CACNA1E: variants seen among roughly 807,000 people sequenced by gnomAD.
The protein encoded by CACNA1E is voltage-dependent R-type calcium channel subunit alpha-1E.
CACNA1E carries 40 observed loss-of-function variants against 259.2 expected under a neutral mutation model. That is an observed-to-expected ratio of 0.15 (90% CI 0.12 to 0.20). The LOEUF (loss-of-function observed/expected upper bound fraction) is 0.20, where lower values mean the gene tolerates loss of function less well. CACNA1E is among the 10% of genes least tolerant of loss of function. The probability of loss-of-function intolerance (pLI) is 1.00; values close to 1 mark genes in which losing one functional copy is unlikely to be tolerated. For synonymous variants in CACNA1E, 1,104 were observed against 1,138.5 expected (o/e 0.97, Z 0.61); for missense variants, 1,874 against 3,040.1 (o/e 0.62, Z 9.02).
In CACNA1E at chr1:181,807,626, G is replaced by C. The variant is rs913405188; in HGVS notation, c.*8792G>C. Reference sequence around the variant, plus strand: ...ATCTGAGCAACGCTTTTATCAATTAGATAGAAACCAGCATTCCAAAATAAG... The same window carrying C: ...ATCTGAGCAACGCTTTTATCAATTACATAGAAACCAGCATTCCAAAATAAG... On this transcript the variant is annotated 3_prime_UTR_variant, in exon 48 of 48. Coordinates refer to ENST00000367573, the MANE Select transcript of CACNA1E (RefSeq NM_001205293.3). 6.6e-6 allele frequency: 1 copy of C among 151,808 alleles called. No homozygotes were observed. The highest frequency in any genetic ancestry group is 2.4e-5 in the African/African-American group (1 of 41,334). The allele number at this position is 151,808 out of a possible 1,614,324, so 9.4% of individuals were successfully genotyped here.
chr1:181,378,801 T>C (rs2101986931), intron 1 of CACNA1E, among the ~76,000 whole-genome samples: 1 of 152,310 alleles, frequency 6.6e-6, no homozygotes, highest in East Asian at 1.9e-4. Flanking sequence ...AAACTATGTC[T>C]AGAGCAAACA....
At chr1:181,515,629 C>T (rs967899341) in intron 3 of CACNA1E, among the ~76,000 whole-genome samples, 4 of 152,128 alleles carry the variant, frequency 2.6e-5, no homozygotes, top group African/African-American at 9.7e-5. Context: ...ACTTGTCAGG[C>T]CACCTGGAGA....
At chr1:181,716,306 A>AG (rs1464335743) in intron 10 of CACNA1E, among the ~76,000 whole-genome samples, 177 bp downstream of exon 10, 1 of 151,906 alleles carries the variant, frequency 6.6e-6, no homozygotes, top group Non-Finnish European at 1.5e-5. Context: ...TAAAAAAAAA[A>AG]AAAAAAGGAC....
intron 6 of CACNA1E, among the ~76,000 whole-genome samples, chr1:181,592,542 A>G (rs1652763664): frequency 6.6e-6 from 1 of 151,522 alleles, no homozygotes; most frequent in South Asian, 2.1e-4. Context: ...AAGGTAATTT[A>G]TTTCAGTGTT....
chr1:181,700,356 C>T (rs1652121919), intron 7 of CACNA1E, among the ~76,000 whole-genome samples: 2 of 152,164 alleles, frequency 1.3e-5, no homozygotes, highest in South Asian at 4.2e-4. Flanking sequence ...GCCCCCTCCA[C>T]TCCATTCTCT....
At chr1:181,453,604 A>G (rs1000172932) in intron 2 of CACNA1E, among the ~76,000 whole-genome samples, 1 of 152,228 alleles carries the variant, frequency 6.6e-6, no homozygotes, top group Non-Finnish European at 1.5e-5. Flanking sequence ...TGAGAACATT[A>G]GTATTATGCT....
intron 3 of CACNA1E, among the ~76,000 whole-genome samples, chr1:181,545,461 C>T (rs1348525204): frequency 6.6e-6 from 1 of 152,180 alleles, no homozygotes; most frequent in Non-Finnish European, 1.5e-5. Flanking sequence ...TCCCTGTGTC[C>T]TGCAGGGCTG....
intron 1 of CACNA1E, among the ~76,000 whole-genome samples, chr1:181,383,978 A>G (rs6691737): frequency 0.083 from 12,712 of 152,324 alleles, 1,639 homozygotes; most frequent in African/African-American, 0.27. Flanking sequence ...TGCCTCTGCT[A>G]TCCACTATGA....
chr1:181,520,391 C>T (rs1324877499), intron 3 of CACNA1E, among the ~76,000 whole-genome samples: 1 of 151,880 alleles, frequency 6.6e-6, no homozygotes, highest in Non-Finnish European at 1.5e-5. Flanking sequence ...ACCTTCCCTC[C>T]AGGACAGTGA....
rs12083158 is a variant in CACNA1E, at chr1:181,593,967, T to C, written c.951+13191T>C. Reference sequence around the variant, plus strand: ...TAGCATAATGGAAAAATAATGGCAATGTAGTTTTTCATGAAACTAAATTTG... The same window carrying C: ...TAGCATAATGGAAAAATAATGGCAACGTAGTTTTTCATGAAACTAAATTTG... On this transcript the variant is annotated intron_variant, in intron 6 of 47. Coordinates refer to ENST00000367573, the MANE Select transcript of CACNA1E (RefSeq NM_001205293.3). Among the ~76,000 whole-genome samples the C allele has an allele frequency of 8.5e-3, 1,291 of 152,316 alleles. 25 individuals are homozygous for C. Among genetic ancestry groups the C allele is most frequent in the African/African-American group, 0.03 (1,239 of 41,576 alleles).
chr1:181,605,642 T>G (rs1434029184), intron 6 of CACNA1E, among the ~76,000 whole-genome samples: 1 of 152,164 alleles, frequency 6.6e-6, no homozygotes, highest in Non-Finnish European at 1.5e-5. Flanking sequence ...CAGCTATTTC[T>G]GACACCCCCC....
chr1:181,473,115 C>T (rs932059194), intron 2 of CACNA1E, among the ~76,000 whole-genome samples: 17 of 152,310 alleles, frequency 1.1e-4, no homozygotes, highest in Middle Eastern at 3.4e-3. Flanking sequence ...TGCTGAACAC[C>T]GCATAGTATT....
chr1:181,654,587 A>G (rs1659035309), intron 7 of CACNA1E, among the ~76,000 whole-genome samples: 1 of 152,222 alleles, frequency 6.6e-6, no homozygotes, highest in African/African-American at 2.4e-5. Flanking sequence ...CTGGGAGATT[A>G]TATAGGTAAA....
intron 2 of CACNA1E, among the ~76,000 whole-genome samples, chr1:181,429,743 A>G (rs942981889): frequency 3.9e-5 from 6 of 152,310 alleles, no homozygotes; most frequent in Admixed American, 2.0e-4. Context: ...AAGCTGCCCA[A>G]TGACCCTGCC....
At chr1:181,499,582 A>G (rs886685378) in intron 1 of CACNA1E, among the ~76,000 whole-genome samples, 5 of 152,208 alleles carry the variant, frequency 3.3e-5, no homozygotes, top group Admixed American at 6.5e-5. Flanking sequence ...CTGGGATTCT[A>G]GTTTCCATCA....
chr1:181,544,893 G>T (rs1319340218), intron 3 of CACNA1E, among the ~76,000 whole-genome samples: 1 of 152,190 alleles, frequency 6.6e-6, no homozygotes, highest in African/African-American at 2.4e-5. Context: ...ATTGTGGTTG[G>T]TTGTTTTGCA....
chr1:181,751,606 G>A (rs867775189), intron 26 of CACNA1E, among the ~76,000 whole-genome samples: 4 of 152,270 alleles, frequency 2.6e-5, no homozygotes, highest in Admixed American at 6.5e-5. Flanking sequence ...ACTGTGCAGC[G>A]GTGACAAACC....
Position 181,732,727 on chromosome 1 carries a change from C to T in CACNA1E, c.2641C>T (p.Pro881Ser). 1 of 1,546,250 alleles carries T rather than the reference C, an allele frequency of 6.5e-7. No homozygotes were observed. Among genetic ancestry groups the T allele is most frequent in the Non-Finnish European group, 8.7e-7 (1 of 1,147,448 alleles). The change falls in exon 20 of 48, where the codon CCA becomes TCA. Residue 881 changes from proline to serine, a missense_variant. Physicochemically the swap from Pro to Ser is moderately conservative, Grantham distance 74. Transcript: ENST00000367573. This position sits in a 1 kb window ranked among gnomAD's most constrained non-coding sequence, Gnocchi z 5.5. ...CCCTTTGTCCCTGGGCCAGCGGGAG[C>T]CACCATGGCTGGCCAGGCCCTGTCA... is the stretch of plus-strand genomic sequence containing the variant. The part of the protein sequence containing the change: ...RTPLSLGQRE[P>S]PWLARPCHGN...
At chr1:181,390,637 G>T (rs1409875671) in intron 1 of CACNA1E, among the ~76,000 whole-genome samples, 2 of 152,016 alleles carry the variant, frequency 1.3e-5, no homozygotes, top group Non-Finnish European at 2.9e-5. Context: ...TGTGTAGTAC[G>T]AGGCTTGAGC....
Sources: allele counts gnomAD v4.1 joint callset (sites outside exome capture counted in the v4.1 genomes callset), GRCh38; gene constraint gnomAD v4.1.1; non-coding constraint Gnocchi (gnomAD v3.1); transcripts MANE v1.5; gene names NCBI Gene and HGNC (gene_info 2026-07-23, HGNC 2026-07-21).